Variants in EML6 observed in about 807,000 individuals in gnomAD.
EML6 encodes echinoderm microtubule-associated protein-like 6.
In EML6, 154 loss-of-function variants were observed where a neutral mutation model predicts 240.1. The ratio of observed to expected loss-of-function variants is 0.64; its 90% CI spans 0.56 to 0.73. The LOEUF (loss-of-function observed/expected upper bound fraction) is 0.73. Ranked by LOEUF, EML6 falls within the 30% of genes least tolerant of loss-of-function variation. The pLI, the probability that EML6 is intolerant of heterozygous loss-of-function variation, is 0.00. For synonymous variants in EML6, 1,148 were observed against 899.0 expected, an observed-to-expected ratio of 1.28 and a Z score of -4.95; for missense variants, 2,964 against 2,474.6, an observed-to-expected ratio of 1.20 and a Z score of -4.20.
At chr2:54,794,598 G>A (rs1277074934) in intron 2 of EML6, among the ~76,000 whole-genome samples, 13 of 152,170 alleles carry the variant, frequency 8.5e-5, no homozygotes, top group Non-Finnish European at 1.9e-4. Flanking sequence ...TCTGCCTAAT[G>A]TTTTTTCTAG....
chr2:54,952,917 T>C (rs1676053020), intron 31 of EML6, among the ~76,000 whole-genome samples: 1 of 152,152 alleles, frequency 6.6e-6, no homozygotes, highest in African/African-American at 2.4e-5. Context: ...AGAGTCCAAA[T>C]AAACGTTGGC....
At chr2:54,894,643 T>C (rs2104132162) in intron 19 of EML6, among the ~76,000 whole-genome samples, 1 of 152,334 alleles carries the variant, frequency 6.6e-6, no homozygotes, top group South Asian at 2.1e-4. Flanking sequence ...AGCAGAGCCA[T>C]CCTTGATCAG....
rs1045490006 is a variant in EML6, at chr2:54,841,691, C to G, written c.848-2356C>G. Among the ~76,000 whole-genome samples the G allele has an allele frequency of 4.6e-5, 7 of 151,180 alleles. No homozygotes were observed. In the South Asian group the frequency reaches 1.5e-3, roughly 32 times the overall value. On this transcript the variant is annotated intron_variant, in intron 7 of 41. Transcript: ENST00000356458. ...TGCAAGTCCCTCCGCCTCCCAGGCTCATGCCATTCTCGTGCCTCAGCCACC... is the reference window on the plus strand; with the variant it reads ...TGCAAGTCCCTCCGCCTCCCAGGCTGATGCCATTCTCGTGCCTCAGCCACC...
At chr2:54,867,990 C>T (rs888286604) in intron 14 of EML6, 2 of 152,258 alleles carry the variant, frequency 1.3e-5, no homozygotes, top group South Asian at 4.1e-4. Context: ...CACACACAGT[C>T]ACTGAGCACT....
intron 24 of EML6, among the ~76,000 whole-genome samples, chr2:54,910,112 G>T (rs1673561711): frequency 1.3e-5 from 2 of 152,100 alleles, no homozygotes; most frequent in African/African-American, 2.4e-5. Flanking sequence ...TAGGGTGGAG[G>T]TTCATGAAAC....
Position 54,859,586 on chromosome 2 carries a change from C to G in EML6, c.1710C>G (p.Arg570=), listed in dbSNP as rs1238144099. 6.4e-7 allele frequency: 1 copy of G among 1,551,308 alleles called. No individual in the cohort carries two copies. Among genetic ancestry groups the G allele is most frequent in the Non-Finnish European group, 8.7e-7 (1 of 1,146,888 alleles). Residue 570 remains arginine (R), a synonymous_variant, in exon 12 of 42, where the codon CGC becomes CGG. Transcript: ENST00000356458. ...VGHSAHVTNV[R]WSHDFQWVLS... is the part of the protein sequence containing the mutation. ...ATTCTGCACATGTCACAAATGTCCG[C>G]TGGTCCCATGACTTTCAGTGGGTGT... is the stretch of plus-strand genomic sequence containing the variant.
intron 13 of EML6, among the ~76,000 whole-genome samples, chr2:54,866,233 C>A (rs1573029966): frequency 6.6e-6 from 1 of 152,280 alleles, no homozygotes; most frequent in Non-Finnish European, 1.5e-5. Flanking sequence ...ACACAGTAAA[C>A]AACAGATGGG....
intron 12 of EML6, among the ~76,000 whole-genome samples, chr2:54,862,791 A>G (rs1479607865): frequency 6.6e-6 from 1 of 152,220 alleles, no homozygotes; most frequent in African/African-American, 2.4e-5. Flanking sequence ...ACATAAGGAA[A>G]CCTCTATAAA....
At chr2:54,934,322 T>G (rs1028738596) in intron 28 of EML6, among the ~76,000 whole-genome samples, 6 of 152,052 alleles carry the variant, frequency 3.9e-5, no homozygotes, top group African/African-American at 1.4e-4. Flanking sequence ...AAAATTTGTA[T>G]CCTCCCGCCC....
chr2:54,863,968 T>G, intron 13 of EML6, 79 bp downstream of exon 13: 1 of 731,306 alleles, frequency 1.4e-6, no homozygotes, highest in South Asian at 1.9e-5. Context: ...GCACTAAAAA[T>G]GACTGGCACT....
intron 9 of EML6, 131 bp downstream of exon 9, chr2:54,847,754 TACGA>T: frequency 1.1e-6 from 1 of 926,760 alleles, no homozygotes; most frequent in Non-Finnish European, 1.6e-6. Context: ...ACTATAGATC[TACGA>T]TCCCCTATCT....
At chr2:54,769,897 C>T (rs1207875314) in intron 2 of EML6, among the ~76,000 whole-genome samples, 2 of 152,172 alleles carry the variant, frequency 1.3e-5, no homozygotes, top group African/African-American at 4.8e-5. Context: ...CAGTTTTCTC[C>T]TCCTCTCGGA....
intron 35 of EML6, among the ~76,000 whole-genome samples, chr2:54,962,170 C>T (rs1676550457): frequency 6.6e-6 from 1 of 150,838 alleles, no homozygotes; most frequent in South Asian, 2.1e-4. Context: ...ACTGCAACCT[C>T]AAATTCCTGG....
intron 7 of EML6, among the ~76,000 whole-genome samples, chr2:54,836,063 T>A (rs1669125036): frequency 6.6e-6 from 1 of 152,200 alleles, no homozygotes; most frequent in Admixed American, 6.5e-5. Flanking sequence ...TTCTCTGGGC[T>A]TGCCCTTCAG....
chr2:54,960,961 A>G (rs566953116), intron 35 of EML6, among the ~76,000 whole-genome samples: 11 of 152,232 alleles, frequency 7.2e-5, no homozygotes, highest in East Asian at 3.9e-4. Context: ...TTAAAAGCCA[A>G]TCTCCAAACT....
chr2:54,890,485 A>G (rs1456473270), intron 17 of EML6, among the ~76,000 whole-genome samples: 2 of 152,106 alleles, frequency 1.3e-5, no homozygotes, highest in East Asian at 3.8e-4. Context: ...TTATAAACCT[A>G]CCTCTCTGTG....
At position 54,774,963 on chromosome 2, in the gene EML6, T is replaced by C. The variant is rs1259256351; in HGVS notation, c.198-38269T>C. On this transcript the variant is annotated intron_variant, in intron 2 of 41. Transcript: ENST00000356458. This position sits in a 1 kb window ranked among gnomAD's most constrained non-coding sequence, Gnocchi z 4.1. ...GACATTCATTACTTTTGTTAACAAA[T>C]GTGTCACATAGAAATTTCCTGAAAA... 1.3e-5 allele frequency among the ~76,000 whole-genome samples: 2 copies of C among 152,198 alleles called. No individual in the cohort carries two copies. Among genetic ancestry groups the C allele is most frequent in the Non-Finnish European group, 2.9e-5 (2 of 68,038 alleles).
chr2:54,958,698 C>T (rs1026365129), intron 33 of EML6, among the ~76,000 whole-genome samples: 1 of 152,140 alleles, frequency 6.6e-6, no homozygotes. Flanking sequence ...CTATGGGGTG[C>T]CCTCAGCCAA....
intron 28 of EML6, among the ~76,000 whole-genome samples, chr2:54,939,544 A>G (rs1169560153): frequency 6.6e-6 from 1 of 152,142 alleles, no homozygotes; most frequent in Non-Finnish European, 1.5e-5. Flanking sequence ...ATATGCACCC[A>G]TATTTGGCTG....
Sources: allele counts gnomAD v4.1 joint callset (sites outside exome capture counted in the v4.1 genomes callset), GRCh38; gene constraint gnomAD v4.1.1; non-coding constraint Gnocchi (gnomAD v3.1); transcripts MANE v1.5; gene names NCBI Gene and HGNC (gene_info 2026-07-23, HGNC 2026-07-21).